Variants in SIPA1L1 observed in about 807,000 individuals in gnomAD.
The protein encoded by SIPA1L1 is signal induced proliferation associated 1 like 1.
SIPA1L1 carries 26 observed loss-of-function variants against 162.7 expected under a neutral mutation model. The observed-to-expected ratio is 0.16, with a 90% CI of 0.12 to 0.22. The LOEUF (loss-of-function observed/expected upper bound fraction) is 0.22. SIPA1L1 is among the 10% of genes least tolerant of loss of function. SIPA1L1 has a pLI of 1.00. For missense variants in SIPA1L1, 1,874 were observed against 2,241.0 expected (o/e 0.84, Z 3.31); for synonymous variants, 829 against 837.4 (o/e 0.99, Z 0.17).
At chr14:71,544,176 C>CGT (rs529136715) in intron 4 of SIPA1L1, among the ~76,000 whole-genome samples, 6 of 150,040 alleles carry the variant, frequency 4.0e-5, no homozygotes, top group South Asian at 2.1e-4. Flanking sequence ...CATATATGCA[C>CGT]GTGTGTGTAT....
chr14:71,650,069 A>G (rs542831494), intron 7 of SIPA1L1, among the ~76,000 whole-genome samples: 50 of 152,356 alleles, frequency 3.3e-4, no homozygotes, highest in African/African-American at 1.1e-3. Context: ...GAAATTTCCT[A>G]TAGTACCAAC....
intron 4 of SIPA1L1, among the ~76,000 whole-genome samples, chr14:71,555,042 C>G (rs1012714298): frequency 6.6e-6 from 1 of 152,054 alleles, no homozygotes; most frequent in Non-Finnish European, 1.5e-5. Flanking sequence ...CTTAAGGGCC[C>G]TACGATTTTC....
chr14:71,548,774 A>G (rs1372482665), intron 4 of SIPA1L1, among the ~76,000 whole-genome samples: 2 of 151,252 alleles, frequency 1.3e-5, no homozygotes, highest in Non-Finnish European at 2.9e-5. Context: ...GGCACACGAC[A>G]GTAGTCCCAA....
chr14:71,672,679 T>C (rs997509445), intron 12 of SIPA1L1, 57 bp downstream of exon 12: 36 of 1,562,492 alleles, frequency 2.3e-5, no homozygotes, highest in Non-Finnish European at 2.7e-5. Flanking sequence ...TTGTGTACCA[T>C]GTAGAACATC....
chr14:71,365,430 A>G (rs748117304), intron 2 of SIPA1L1, among the ~76,000 whole-genome samples: 8 of 151,878 alleles, frequency 5.3e-5, no homozygotes, highest in Non-Finnish European at 1.2e-4. Context: ...CCCTCTTTCC[A>G]CTATTGCCCG....
intron 4 of SIPA1L1, among the ~76,000 whole-genome samples, chr14:71,567,103 T>G (rs1486677638): frequency 6.6e-6 from 1 of 152,178 alleles, no homozygotes; most frequent in East Asian, 1.9e-4. Context: ...ATTCTTATAT[T>G]AGTCATAATT....
intron 2 of SIPA1L1, among the ~76,000 whole-genome samples, chr14:71,488,306 A>AAG (rs2048939917): frequency 6.6e-6 from 1 of 151,884 alleles, no homozygotes; most frequent in Non-Finnish European, 1.5e-5. Flanking sequence ...TTTGGCTTAA[A>AAG]ATATATATAT....
intron 2 of SIPA1L1, among the ~76,000 whole-genome samples, chr14:71,442,502 A>T (rs1216283050): frequency 6.6e-6 from 1 of 152,174 alleles, no homozygotes; most frequent in Non-Finnish European, 1.5e-5. Flanking sequence ...AATGAAGAGA[A>T]AGTTGAAATA....
intron 2 of SIPA1L1, among the ~76,000 whole-genome samples, chr14:71,350,446 T>C (rs2140583629): frequency 6.6e-6 from 1 of 152,278 alleles, no homozygotes; most frequent in Middle Eastern, 3.4e-3. Context: ...TTGCCACTGA[T>C]TGGCCTTACC....
intron 2 of SIPA1L1, among the ~76,000 whole-genome samples, chr14:71,374,205 C>T (rs2039160841): frequency 6.6e-6 from 1 of 152,060 alleles, no homozygotes; most frequent in Non-Finnish European, 1.5e-5. Flanking sequence ...CTGCCATTTG[C>T]AGTATTTATC....
At chr14:71,590,040 AAAAAATATATAT>A (rs1170773889) in intron 5 of SIPA1L1, among the ~76,000 whole-genome samples, 27 of 64,644 alleles carry the variant, frequency 4.2e-4, no homozygotes, top group African/African-American at 1.3e-3. Flanking sequence ...AAAAAAAAAA[AAAAAATATATAT>A]ATATATATAT....
chr14:71,413,142 G>T (rs553235096), intron 2 of SIPA1L1, among the ~76,000 whole-genome samples: 2 of 152,312 alleles, frequency 1.3e-5, no homozygotes, highest in South Asian at 4.1e-4. Context: ...CATGCCAATA[G>T]TGTGCCCACC....
chr14:71,480,125 C>G (rs532928987), intron 2 of SIPA1L1, among the ~76,000 whole-genome samples: 40 of 151,524 alleles, frequency 2.6e-4, no homozygotes, highest in African/African-American at 8.7e-4. Context: ...CTCTGTTGCC[C>G]AGGCTGGAGT....
chr14:71,579,591 C>G (rs2033628545), intron 4 of SIPA1L1, among the ~76,000 whole-genome samples: 1 of 152,154 alleles, frequency 6.6e-6, no homozygotes. Context: ...CATATGCAGT[C>G]TGTATTTAAG....
At chr14:71,571,304 C>T (rs1436303943) in intron 4 of SIPA1L1, among the ~76,000 whole-genome samples, 2 of 151,838 alleles carry the variant, frequency 1.3e-5, no homozygotes, top group African/African-American at 2.4e-5. Flanking sequence ...ATGAATAGAA[C>T]ATTTACAGAA....
rs1384663601 is a variant in SIPA1L1, at chr14:71,610,322, A to C, written c.1499-8435A>C. ...TAATATAAGTTTTTTCCACATATCT[A>C]ATTATTTCCATAAGGTGGAGCCCTG... On this transcript the variant is annotated intron_variant, in intron 5 of 23. Coordinates refer to ENST00000381232, the MANE Select transcript of SIPA1L1 (RefSeq NM_001386936.1). Among the ~76,000 whole-genome samples, 3 of 152,230 alleles carry C rather than the reference A, an allele frequency of 2.0e-5. No homozygotes were observed. In the East Asian group the frequency reaches 5.8e-4, roughly 29 times the overall value.
intron 2 of SIPA1L1, among the ~76,000 whole-genome samples, chr14:71,483,805 G>A (rs1035379653): frequency 5.9e-5 from 9 of 152,166 alleles, no homozygotes; most frequent in African/African-American, 1.9e-4. Flanking sequence ...CTTGTGATGG[G>A]AACCTTGCTC....
At chr14:71,641,261 C>T (rs2041682203) in intron 7 of SIPA1L1, among the ~76,000 whole-genome samples, 1 of 149,028 alleles carries the variant, frequency 6.7e-6, no homozygotes, top group African/African-American at 2.5e-5. Context: ...GAGTTCTGTC[C>T]ACCCTAAACA....
chr14:71,322,551 G>A (rs1380490926), intron 2 of SIPA1L1, among the ~76,000 whole-genome samples: 2 of 152,168 alleles, frequency 1.3e-5, no homozygotes, highest in Admixed American at 1.3e-4. Flanking sequence ...CCAACTATTA[G>A]ATGACATCCC....
Sources: allele counts gnomAD v4.1 joint callset (sites outside exome capture counted in the v4.1 genomes callset), GRCh38; gene constraint gnomAD v4.1.1; transcripts MANE v1.5; gene names NCBI Gene and HGNC (gene_info 2026-07-23, HGNC 2026-07-21).